ACTN4: variants seen among roughly 807,000 people sequenced by gnomAD.
ACTN4 encodes alpha-actinin-4.
A neutral mutation model predicts 114.2 loss-of-function variants in ACTN4; 18 were observed. The observed-to-expected ratio is 0.16, with a 90% CI of 0.11 to 0.23. The LOEUF (loss-of-function observed/expected upper bound fraction) is 0.23, where lower values mean the gene tolerates loss of function less well. Ranked by LOEUF, ACTN4 falls within the 10% of genes least tolerant of loss-of-function variation. ACTN4 has a pLI of 1.00. For missense variants in ACTN4, 722 were observed against 1,262.9 expected (o/e 0.57, Z 6.49); for synonymous variants, 515 against 506.3 (o/e 1.02, Z -0.23).
Position 38,724,560 on chromosome 19 carries a change from A to G in ACTN4, c.2005A>G (p.Met669Val). ...TGTGGGGCCCTGGATCCAGACCAAGATGGAGGTGAGGCACGGCTGAGCCCC... is the reference window on the plus strand; with the variant it reads ...TGTGGGGCCCTGGATCCAGACCAAGGTGGAGGTGAGGCACGGCTGAGCCCC... ...NVVGPWIQTK[M>V]EEIGRISIEM... The change falls in exon 16 of 21, where the codon ATG becomes GTG. Residue 669 changes from methionine to valine, a missense_variant. This residue lies in a region of ACTN4 where 523 missense variants were observed against 875.9 expected (regional missense o/e 0.60). Transcript: ENST00000252699. The surrounding 1 kb of genome is among the most constrained non-coding windows in gnomAD (Gnocchi z 7.0). 6.2e-7 allele frequency: 1 copy of G among 1,613,540 alleles called. No homozygotes were observed. Among genetic ancestry groups the G allele is most frequent in the Non-Finnish European group, 8.5e-7 (1 of 1,179,946 alleles).
At chr19:38,677,455 A>G (rs1218304387) in intron 1 of ACTN4, among the ~76,000 whole-genome samples, 1 of 152,056 alleles carries the variant, frequency 6.6e-6, no homozygotes, top group African/African-American at 2.4e-5. Flanking sequence ...GAGACACTCA[A>G]ACAAGTGGCT....
chr19:38,676,401 G>A (rs574916268), intron 1 of ACTN4, among the ~76,000 whole-genome samples: 1 of 152,318 alleles, frequency 6.6e-6, no homozygotes, highest in Admixed American at 6.5e-5. Context: ...TGGTTTAGGG[G>A]CTGACTCTTG....
chr19:38,665,107 GA>G (rs1599769272), intron 1 of ACTN4, among the ~76,000 whole-genome samples: 1 of 152,138 alleles, frequency 6.6e-6, no homozygotes, highest in East Asian at 1.9e-4. Flanking sequence ...TGCACCCCGG[GA>G]GGGGGTGTTG....
At position 38,730,683 on chromosome 19, in the gene ACTN4, G is replaced by T; in HGVS notation, c.*1251G>T. 1 of 721,038 alleles carries T rather than the reference G, an allele frequency of 1.4e-6. No homozygotes were observed. The highest frequency in any genetic ancestry group is 2.3e-6 in the Non-Finnish European group (1 of 431,630). The allele number at this position is 721,038 out of a possible 1,614,324, so 44.7% of individuals were successfully genotyped here. On this transcript the variant is annotated 3_prime_UTR_variant, in exon 21 of 21. Coordinates refer to ENST00000252699, the MANE Select transcript of ACTN4 (RefSeq NM_004924.6). ...GCTGTCGCTGTTCTTGTTTCTGAGTGAGGAGTACGCAGGCCAGAGTGGTCA... is the reference window on the plus strand; with the variant it reads ...GCTGTCGCTGTTCTTGTTTCTGAGTTAGGAGTACGCAGGCCAGAGTGGTCA...
At chr19:38,697,585 A>T (rs993026777) in intron 1 of ACTN4, among the ~76,000 whole-genome samples, 1 of 152,212 alleles carries the variant, frequency 6.6e-6, no homozygotes, top group African/African-American at 2.4e-5. Flanking sequence ...TTCAAACCCA[A>T]ACCCAGGTCT....
intron 1 of ACTN4, among the ~76,000 whole-genome samples, chr19:38,673,665 TATATATA>T (rs1568690586): frequency 1.0e-4 from 3 of 29,248 alleles, no homozygotes; most frequent in Non-Finnish European, 2.4e-4. Context: ...TTATATATAT[TATATATA>T]TTTATATATT....
In ACTN4 at chr19:38,673,697, AT is replaced by A. The variant is rs1967269244; in HGVS notation, c.162+25791del. Among the ~76,000 whole-genome samples the A allele has an allele frequency of 1.3e-4, 8 of 62,516 alleles. 1 individual carries two copies. Among genetic ancestry groups the A allele is most frequent in the African/African-American group, 4.5e-4 (8 of 17,798 alleles). The allele number at this position is 62,516 out of a possible 152,430, so 41.0% of individuals were successfully genotyped here. ...ATTTATATATTTATATATATTATAT[AT>A]ATTTATATATTTATATATTTATATA... is the stretch of plus-strand genomic sequence containing the variant. On this transcript the variant is annotated intron_variant, in intron 1 of 20. Transcript: ENST00000252699.
At chr19:38,675,975 A>G (rs1308804347) in intron 1 of ACTN4, among the ~76,000 whole-genome samples, 1 of 152,180 alleles carries the variant, frequency 6.6e-6, no homozygotes, top group East Asian at 1.9e-4. Flanking sequence ...TGGCCCTGCT[A>G]CTTACTGTGG....
intron 1 of ACTN4, among the ~76,000 whole-genome samples, chr19:38,651,167 A>G (rs114958283): frequency 0.014 from 2,150 of 152,350 alleles, 58 homozygotes; most frequent in African/African-American, 0.048. Context: ...CTCCAAAAAA[A>G]TATGCATCCA....
At chr19:38,688,390 CAAAAAAAAAA>C (rs35793948) in intron 1 of ACTN4, among the ~76,000 whole-genome samples, 5 of 81,152 alleles carry the variant, frequency 6.2e-5, no homozygotes, top group Non-Finnish European at 1.1e-4. Flanking sequence ...TTGTCTCTAC[CAAAAAAAAAA>C]AAAAAAAAAA....
chr19:38,661,503 A>G (rs755798709), intron 1 of ACTN4, among the ~76,000 whole-genome samples: 1 of 152,208 alleles, frequency 6.6e-6, no homozygotes, highest in Non-Finnish European at 1.5e-5. Flanking sequence ...CTTTGGTCCC[A>G]TCAAGAGGCC....
intron 1 of ACTN4, among the ~76,000 whole-genome samples, chr19:38,665,632 T>C (rs2144863449): frequency 6.6e-6 from 1 of 152,244 alleles, no homozygotes; most frequent in East Asian, 1.9e-4. Flanking sequence ...CAAGTGGCAG[T>C]GGGCACTTGA....
intron 1 of ACTN4, among the ~76,000 whole-genome samples, chr19:38,694,707 T>G (rs940546857): frequency 1.4e-5 from 2 of 141,810 alleles, no homozygotes; most frequent in Non-Finnish European, 1.5e-5. Context: ...TCACTGAACC[T>G]CTCCCTGCCT....
intron 1 of ACTN4, among the ~76,000 whole-genome samples, chr19:38,673,571 A>C (rs1357213242): frequency 8.2e-6 from 1 of 122,474 alleles, no homozygotes; most frequent in Non-Finnish European, 1.6e-5. Flanking sequence ...ATATATTTAT[A>C]TATATTCATA....
At chr19:38,652,795 T>C (rs1976603821) in intron 1 of ACTN4, among the ~76,000 whole-genome samples, 1 of 152,146 alleles carries the variant, frequency 6.6e-6, no homozygotes, top group African/African-American at 2.4e-5. Flanking sequence ...AGTTAAAATG[T>C]GGTCTTATGG....
Position 38,683,624 on chromosome 19 carries a change from ATTG to A in ACTN4, c.163-16973_163-16971del, listed in dbSNP as rs1967647451. Among the ~76,000 whole-genome samples, 3 of 152,334 alleles carry A rather than the reference ATTG, an allele frequency of 2.0e-5. No homozygotes were observed. In the South Asian group the frequency reaches 6.2e-4, roughly 32 times the overall value. ...AGTCACCGGTGATAGCCCATCATAA[ATTG>A]TTATTTCCTATATTTCCAGAGCAGC... On this transcript the variant is annotated intron_variant, in intron 1 of 20. Coordinates refer to ENST00000252699, the MANE Select transcript of ACTN4 (RefSeq NM_004924.6).
chr19:38,692,633 G>A (rs1016499469), intron 1 of ACTN4, among the ~76,000 whole-genome samples: 4 of 152,202 alleles, frequency 2.6e-5, no homozygotes, highest in East Asian at 1.9e-4. Context: ...CTGGGGAGCC[G>A]TTTCTGCTTT....
At position 38,729,149 on chromosome 19, in the gene ACTN4, G is replaced by A; in HGVS notation, c.2572G>A (p.Asp858Asn). 2 of 1,613,060 alleles carry A rather than the reference G, an allele frequency of 1.2e-6. No homozygotes were observed. Among genetic ancestry groups the A allele is most frequent in the Non-Finnish European group, 1.7e-6 (2 of 1,180,006 alleles). ...VIASFKVLAG[D>N]KNFITAEELR... is the part of the protein sequence containing the mutation. ...CGCTTCCTTCAAGGTCTTAGCAGGG[G>A]ACAAGGTGAGCGAGACCCCTACGAG... is the stretch of plus-strand genomic sequence containing the variant. The change falls in exon 20 of 21, where the codon GAC (aspartate) becomes AAC (asparagine). Residue 858 changes from aspartate to asparagine, a missense_variant. Transcript: ENST00000252699.
intron 1 of ACTN4, among the ~76,000 whole-genome samples, chr19:38,653,481 A>T (rs1330573597): frequency 1.3e-5 from 2 of 150,832 alleles, no homozygotes; most frequent in Non-Finnish European, 2.9e-5. Context: ...GGAAGGGCAA[A>T]TATAATTAGT....
Sources: gnomAD v4.1 joint callset for allele counts (sites outside exome capture counted in the v4.1 genomes callset) on GRCh38, gnomAD v4.1.1 for gene constraint, gnomAD v4.1.1 regional missense constraint, Gnocchi (gnomAD v3.1) non-coding constraint, MANE v1.5 for transcripts, NCBI Gene and HGNC (gene_info 2026-07-23, HGNC 2026-07-21) for gene names.